CCDC60: variants seen among roughly 807,000 people sequenced by gnomAD.
CCDC60 encodes coiled-coil domain containing 60.
In CCDC60, 54 loss-of-function variants were observed where a neutral mutation model predicts 63.5. The ratio of observed to expected loss-of-function variants is 0.85; its 90% CI spans 0.68 to 1.07. The LOEUF (loss-of-function observed/expected upper bound fraction) is 1.07. CCDC60 is among the 50% of genes least tolerant of loss of function. The pLI, the probability that CCDC60 is intolerant of heterozygous loss-of-function variation, is 0.00. For missense variants in CCDC60, 651 were observed against 684.3 expected, an observed-to-expected ratio of 0.95 and a Z score of 0.54; for synonymous variants, 206 against 238.8, an observed-to-expected ratio of 0.86 and a Z score of 1.27.
At chr12:119,408,115 G>T (rs1278139538) in intron 1 of CCDC60, among the ~76,000 whole-genome samples, 3 of 152,128 alleles carry the variant, frequency 2.0e-5, no homozygotes, top group Non-Finnish European at 2.9e-5. Flanking sequence ...AGTCAAAGAA[G>T]AGCTATTAAT....
chr12:119,498,976 T>G (rs563095707), intron 5 of CCDC60, among the ~76,000 whole-genome samples: 2 of 152,330 alleles, frequency 1.3e-5, no homozygotes, highest in African/African-American at 4.8e-5. Flanking sequence ...CCAATCGAAG[T>G]TGGCAGCAAA....
chr12:119,466,051 A>G (rs1950948530), intron 2 of CCDC60, among the ~76,000 whole-genome samples: 1 of 152,204 alleles, frequency 6.6e-6, no homozygotes, highest in African/African-American at 2.4e-5. Context: ...GCCTTTGCAC[A>G]TGTTGTTCCT....
chr12:119,465,091 C>G (rs907675108), intron 2 of CCDC60, among the ~76,000 whole-genome samples: 1 of 152,054 alleles, frequency 6.6e-6, no homozygotes, highest in Non-Finnish European at 1.5e-5. Flanking sequence ...GCGGGTGGAT[C>G]ACGAGGTCAG....
intron 1 of CCDC60, among the ~76,000 whole-genome samples, chr12:119,335,965 A>G (rs1271046063): frequency 6.6e-6 from 1 of 151,886 alleles, no homozygotes; most frequent in Non-Finnish European, 1.5e-5. Context: ...GAAATTGGAA[A>G]TCATCATTCT....
chr12:119,441,524 C>T (rs1307267407), intron 2 of CCDC60, among the ~76,000 whole-genome samples: 2 of 152,206 alleles, frequency 1.3e-5, no homozygotes, highest in East Asian at 3.8e-4. Context: ...CAAGGCCTCC[C>T]AGGCAACCTC....
chr12:119,394,500 C>T (rs1956215361), intron 1 of CCDC60, among the ~76,000 whole-genome samples: 1 of 152,226 alleles, frequency 6.6e-6, no homozygotes, highest in South Asian at 2.1e-4. Flanking sequence ...GGAGACCTCT[C>T]ACTGCCCCCC....
At chr12:119,366,590 TG>T (rs1040514020) in intron 1 of CCDC60, among the ~76,000 whole-genome samples, 4 of 151,954 alleles carry the variant, frequency 2.6e-5, no homozygotes, top group East Asian at 1.9e-4. Flanking sequence ...GTGCCCTGGG[TG>T]GGGGTGTGGG....
At chr12:119,418,675 A>C (rs1661833593) in intron 1 of CCDC60, among the ~76,000 whole-genome samples, 1 of 151,966 alleles carries the variant, frequency 6.6e-6, no homozygotes, top group South Asian at 2.1e-4. Context: ...TCAACCTCCC[A>C]AAGTGCTGGG....
rs34382641 is a variant in CCDC60 at position 119,493,832 on chromosome 12, G to GTT, written c.557+4973_557+4974dup. ...CCAACTGCATTTCAGAATTCTGAGG[G>GTT]TTTTTTTTGTTTTGTTTTGTTTTGT... On this transcript the variant is annotated intron_variant, in intron 5 of 13. Transcript: ENST00000327554. Among the ~76,000 whole-genome samples the GTT allele has an allele frequency of 6.6e-5, 10 of 151,802 alleles. 1 individual carries two copies. The highest frequency in any genetic ancestry group is 2.0e-4 in the Admixed American group (3 of 15,230).
Position 119,530,934 on chromosome 12 carries a change from G to T in CCDC60, c.1422G>T (p.Lys474Asn). Residue 474 changes from lysine (K) to asparagine (N), a missense_variant, in exon 13 of 14, where the codon AAG becomes AAT. By Grantham distance (94) the Lys-to-Asn change is moderately conservative. Coordinates refer to ENST00000327554, the MANE Select transcript of CCDC60 (RefSeq NM_178499.5). ...EDLKNFRPAK[K>N]ILVKLQKFGE... Reference sequence around the variant, plus strand: ...TAAAGAACTTCCGCCCCGCCAAAAAGATCCTGGTGAAACTGCAGAAGTTTG... The same window carrying T: ...TAAAGAACTTCCGCCCCGCCAAAAATATCCTGGTGAAACTGCAGAAGTTTG... 18 of 1,614,186 alleles carry T rather than the reference G, an allele frequency of 1.1e-5. No individual in the cohort carries two copies. Among genetic ancestry groups the T allele is most frequent in the Non-Finnish European group, 1.4e-5 (17 of 1,180,004 alleles).
At chr12:119,421,039 CT>C (rs142971600) in intron 1 of CCDC60, among the ~76,000 whole-genome samples, 6,373 of 151,938 alleles carry the variant, frequency 0.042, 243 homozygotes, top group African/African-American at 0.095. Context: ...TTCAGCCTCC[CT>C]TCCCCGCTCA....
intron 1 of CCDC60, among the ~76,000 whole-genome samples, chr12:119,388,583 G>T (rs1956099479): frequency 1.3e-5 from 2 of 152,158 alleles, no homozygotes; most frequent in South Asian, 2.1e-4. Context: ...TCTCTTTGGA[G>T]AATTACCTTA....
chr12:119,456,059 G>GC lies in CCDC60; in HGVS notation c.171-15935_171-15934insC, dbSNP rs1555245469. On this transcript the variant is annotated intron_variant, in intron 2 of 13. Transcript: ENST00000327554. The surrounding 1 kb of genome is among the most constrained non-coding windows in gnomAD (Gnocchi z 4.6). ...AGAAAGAAAGAAAGAAAGAAAGAAA[G>GC]AAAGCAAGCAAGCATGTGCAATTTC... Among the ~76,000 whole-genome samples, 4,589 of 121,262 alleles carry GC rather than the reference G, an allele frequency of 0.038. 194 individuals are homozygous for GC. Among genetic ancestry groups the GC allele is most frequent in the East Asian group, 0.094 (322 of 3,440 alleles). 79.6% of individuals were successfully genotyped at this position (121,262 alleles called of 152,430 possible).
chr12:119,348,016 A>G (rs968522923), intron 1 of CCDC60, among the ~76,000 whole-genome samples: 1 of 152,238 alleles, frequency 6.6e-6, no homozygotes, highest in African/African-American at 2.4e-5. Flanking sequence ...AAAGGATAAC[A>G]TGACTAAAAT....
At position 119,415,281 on chromosome 12, in the gene CCDC60, T is replaced by C. The variant is rs1956679111; in HGVS notation, c.91-13402T>C. Among the ~76,000 whole-genome samples, 4 of 152,140 alleles carry C rather than the reference T, an allele frequency of 2.6e-5. No individual in the cohort carries two copies. The South Asian group carries it at 8.3e-4, about 32-fold the overall frequency. On this transcript the variant is annotated intron_variant, in intron 1 of 13. Transcript: ENST00000327554. ...TAAAGGATAAACCACAGCTAACAAA[T>C]TGAAAGTGAACTGATAGCACAAAAG...
intron 9 of CCDC60, among the ~76,000 whole-genome samples, chr12:119,520,481 T>C (rs1444212293): frequency 6.6e-6 from 1 of 151,986 alleles, no homozygotes; most frequent in Non-Finnish European, 1.5e-5. Context: ...TCTACTTGGG[T>C]AATTTATAAT....
At chr12:119,360,681 TC>T (rs534359757) in intron 1 of CCDC60, among the ~76,000 whole-genome samples, 1,632 of 151,146 alleles carry the variant, frequency 0.011, 35 homozygotes, top group African/African-American at 0.038. Flanking sequence ...ACTCCTCACT[TC>T]CTAGATGTGA....
intron 2 of CCDC60, among the ~76,000 whole-genome samples, chr12:119,442,943 T>C (rs1311176688): frequency 6.6e-6 from 1 of 152,238 alleles, no homozygotes; most frequent in Admixed American, 6.5e-5. Context: ...ACGTGACTTT[T>C]TGCTCTTCTG....
At chr12:119,525,362 A>G (rs1197901103) in intron 11 of CCDC60, among the ~76,000 whole-genome samples, 2 of 152,188 alleles carry the variant, frequency 1.3e-5, no homozygotes, top group African/African-American at 4.8e-5. Context: ...AGGTTTTCCA[A>G]GGTCATAATG....
Sources: allele counts gnomAD v4.1 joint callset (sites outside exome capture counted in the v4.1 genomes callset), GRCh38; gene constraint gnomAD v4.1.1; non-coding constraint Gnocchi (gnomAD v3.1); transcripts MANE v1.5; gene names NCBI Gene and HGNC (gene_info 2026-07-23, HGNC 2026-07-21).